Variants in ERICH1 observed in about 807,000 individuals in gnomAD.
The protein encoded by ERICH1 is glutamate-rich protein 1.
Under a neutral mutation model 39.6 loss-of-function variants are expected in ERICH1, and 56 were observed. The observed-to-expected ratio is 1.41, with a 90% CI of 1.14 to 1.77. The LOEUF (loss-of-function observed/expected upper bound fraction) is 1.77, where lower values mean the gene tolerates loss of function less well. ERICH1 is among the 40% of genes most tolerant of loss of function. The probability of loss-of-function intolerance (pLI) is 0.00; values close to 1 mark genes in which losing one functional copy is unlikely to be tolerated. For missense variants in ERICH1, 826 were observed against 575.4 expected (o/e 1.44, Z -4.45); for synonymous variants, 313 against 223.6 (o/e 1.40, Z -3.57).
chr8:645,990 C>T lies in ERICH1; in HGVS notation c.976+22608G>A, dbSNP rs140817512. Among the ~76,000 whole-genome samples the T allele has an allele frequency of 2.0e-4, 14 of 70,124 alleles. 5 individuals carry two copies. The highest frequency in any genetic ancestry group is 8.6e-4 in the Admixed American group (7 of 8,148). The allele number at this position is 70,124 out of a possible 152,430, so 46.0% of individuals were successfully genotyped here. A position where few individuals can be genotyped will look rare whatever the true frequency, so the allele number is the denominator to read the frequency against. On this transcript the variant is annotated intron_variant, in intron 3 of 3. Transcript: ENST00000522706. ...ATGCATGTTTTTGGCACTGGCTGCT[C>T]TCGTTTGTCTCCAACACGCAGTTAC...
At chr8:683,127 C>G (rs1396701259) in intron 3 of ERICH1, among the ~76,000 whole-genome samples, 1 of 152,208 alleles carries the variant, frequency 6.6e-6, no homozygotes, top group African/African-American at 2.4e-5. Context: ...ACACTCCGGC[C>G]TGCTGAGAAG....
chr8:664,170 A>G (rs1801842204), downstream of ERICH1: 1 of 877,252 alleles, frequency 1.1e-6, no homozygotes, highest in African/African-American at 1.8e-5. Flanking sequence ...CAAAGTAGAG[A>G]AGAGAAAAAA....
chr8:641,530 T>C (rs938332053), intron 3 of ERICH1, among the ~76,000 whole-genome samples: 2 of 152,274 alleles, frequency 1.3e-5, no homozygotes, highest in South Asian at 2.1e-4. Context: ...TCGTAATGTA[T>C]TTCCTCAAAG....
chr8:723,751 A>C (rs4735914), intron 1 of ERICH1, among the ~76,000 whole-genome samples: 78,505 of 152,118 alleles, frequency 0.52, 20,705 homozygotes, highest in African/African-American at 0.62. Flanking sequence ...GTAAAAACTA[A>C]GTTAAATGCC....
chr8:702,829 G>A (rs1411560168), intron 2 of ERICH1, among the ~76,000 whole-genome samples: 1 of 152,234 alleles, frequency 6.6e-6, no homozygotes, highest in Non-Finnish European at 1.5e-5. Context: ...CCAGAAGGCA[G>A]GAGCGAGAGC....
chr8:653,266 G>A (rs1010554584), intron 3 of ERICH1, among the ~76,000 whole-genome samples: 1 of 152,248 alleles, frequency 6.6e-6, no homozygotes, highest in Non-Finnish European at 1.5e-5. Context: ...TGTGGCCTGA[G>A]AAGAATGCCA....
chr8:627,491 C>T (rs1032700314), intron 3 of ERICH1, among the ~76,000 whole-genome samples: 2 of 152,230 alleles, frequency 1.3e-5, no homozygotes, highest in Non-Finnish European at 2.9e-5. Context: ...TTCTAAGGTA[C>T]TACATATGAC....
At chr8:657,524 T>C (rs1480006455) in intron 3 of ERICH1, among the ~76,000 whole-genome samples, 1 of 151,330 alleles carries the variant, frequency 6.6e-6, no homozygotes, top group Non-Finnish European at 1.5e-5. Flanking sequence ...GGGCGATGCT[T>C]GTCTAAGATG....
intron 2 of ERICH1, among the ~76,000 whole-genome samples, chr8:711,332 T>C (rs1761258934): frequency 6.6e-6 from 1 of 152,236 alleles, no homozygotes; most frequent in African/African-American, 2.4e-5. Flanking sequence ...TTAATTTTAA[T>C]GATGTCCAGG....
At chr8:698,675 A>G (rs1810937249) in intron 2 of ERICH1, among the ~76,000 whole-genome samples, 1 of 152,162 alleles carries the variant, frequency 6.6e-6, no homozygotes, top group African/African-American at 2.4e-5. Context: ...GAATGCAATG[A>G]TGCGATCATG....
At position 645,521 on chromosome 8, in the gene ERICH1, T is replaced by A. The variant is rs1377384989; in HGVS notation, c.976+23077A>T. Among the ~76,000 whole-genome samples the A allele has an allele frequency of 3.6e-4, 7 of 19,678 alleles. 3 individuals carry two copies. The highest frequency in any genetic ancestry group is 6.7e-4 in the Non-Finnish European group (7 of 10,388). 12.9% of individuals were successfully genotyped at this position (19,678 alleles called of 152,430 possible). ...TTACTGTCCCCCCCAAACCTCATCT[T>A]TCTTCTGAAGGAATTCTACAACAGA... On this transcript the variant is annotated intron_variant, in intron 3 of 3. Coordinates refer to the ERICH1 transcript ENST00000522706.
intron 2 of ERICH1, among the ~76,000 whole-genome samples, chr8:700,173 C>CCGCACAGG (rs1563297749): frequency 1.5e-5 from 1 of 68,496 alleles, no homozygotes; most frequent in Non-Finnish European, 3.1e-5. Flanking sequence ...GCGCACAGGC[C>CCGCACAGG]CGCACAGGCC....
At chr8:692,761 C>G (rs905467855) in intron 2 of ERICH1, 149 bp from the exon 3 acceptor site, 2 of 991,100 alleles carry the variant, frequency 2.0e-6, no homozygotes, top group Non-Finnish European at 1.4e-6. Flanking sequence ...GTCATAAATA[C>G]TGATTTTAAT....
rs1810617858 is a variant in ERICH1, at chr8:697,569, C to G, written c.170-4957G>C. ...CCTCCCTGTCAAATCGTCCCCTCAC[C>G]TGGCACGGAGCTGGAGGCCTGAGGG... On this transcript the variant is annotated intron_variant, in intron 2 of 5. Coordinates refer to ENST00000262109, the MANE Select transcript of ERICH1 (RefSeq NM_207332.3). 1.3e-5 allele frequency among the ~76,000 whole-genome samples: 2 copies of G among 152,194 alleles called. 1 individual carries two copies. Among genetic ancestry groups the G allele is most frequent in the South Asian group, 4.1e-4 (2 of 4,836 alleles).
At chr8:694,865 C>T (rs1461277760) in intron 2 of ERICH1, among the ~76,000 whole-genome samples, 3 of 152,154 alleles carry the variant, frequency 2.0e-5, no homozygotes, top group Non-Finnish European at 4.4e-5. Flanking sequence ...GTTCCCCGTC[C>T]CATCATCTCC....
chr8:706,348 C>A (rs1358416498), intron 2 of ERICH1, among the ~76,000 whole-genome samples: 1 of 151,994 alleles, frequency 6.6e-6, no homozygotes, highest in Non-Finnish European at 1.5e-5. Flanking sequence ...TGAACATTCC[C>A]AAAAGAAAAC....
At chr8:628,705 C>T (rs1239419894) in intron 3 of ERICH1, among the ~76,000 whole-genome samples, 1 of 152,320 alleles carries the variant, frequency 6.6e-6, no homozygotes, top group East Asian at 1.9e-4. Context: ...GGAATAACAC[C>T]CTGTGGGCCT....
At chr8:682,113 A>G (rs535190218) in intron 3 of ERICH1, among the ~76,000 whole-genome samples, 1 of 151,230 alleles carries the variant, frequency 6.6e-6, no homozygotes, top group East Asian at 2.0e-4. Flanking sequence ...GCCCCCGTGT[A>G]AAACCCCATT....
chr8:662,280 C>T (rs147158961), downstream of ERICH1, among the ~76,000 whole-genome samples: 389 of 152,304 alleles, frequency 2.6e-3, 2 homozygotes, highest in African/African-American at 8.8e-3. Context: ...ACAAATGGGA[C>T]GTTAAGAATA....
Sources: gnomAD v4.1 joint callset for allele counts (sites outside exome capture counted in the v4.1 genomes callset) on GRCh38, gnomAD v4.1.1 for gene constraint, MANE v1.5 for transcripts, NCBI Gene and HGNC (gene_info 2026-07-23, HGNC 2026-07-21) for gene names.